Variants in ANO3 observed in about 807,000 individuals in gnomAD.
ANO3 encodes the protein anoctamin-3.
In ANO3, 99 loss-of-function variants were observed where a neutral mutation model predicts 144.8. The observed-to-expected ratio is 0.68, with a 90% CI of 0.58 to 0.81. ANO3 has a LOEUF of 0.81. ANO3 is among the 30% of genes least tolerant of loss of function. The pLI, the probability that ANO3 is intolerant of heterozygous loss-of-function variation, is 0.00. For synonymous variants in ANO3, 414 were observed against 392.6 expected, an observed-to-expected ratio of 1.05 and a Z score of -0.64; for missense variants, 905 against 1,202.2, an observed-to-expected ratio of 0.75 and a Z score of 3.66.
intron 1 of ANO3, among the ~76,000 whole-genome samples, chr11:26,207,273 G>T (rs1851816729): frequency 6.6e-6 from 1 of 152,070 alleles, no homozygotes; most frequent in African/African-American, 2.4e-5. Context: ...AGTATAAATG[G>T]CTTACAAAAA....
intron 1 of ANO3, among the ~76,000 whole-genome samples, chr11:26,303,707 A>G (rs1421620732): frequency 6.6e-6 from 1 of 152,074 alleles, no homozygotes; most frequent in Admixed American, 6.6e-5. Flanking sequence ...ATAAAAGTTG[A>G]AATTATTATT....
intron 21 of ANO3, 92 bp from the exon 22 acceptor site, chr11:26,641,804 A>C: frequency 7.8e-7 from 1 of 1,277,676 alleles, no homozygotes; most frequent in Non-Finnish European, 1.0e-6. Flanking sequence ...GAGGAGCTGG[A>C]ATTGGTTTTA....
intron 18 of ANO3, among the ~76,000 whole-genome samples, chr11:26,627,618 T>C (rs1198973700): frequency 6.6e-6 from 1 of 152,050 alleles, no homozygotes; most frequent in African/African-American, 2.4e-5. Context: ...CTTGGGAAAA[T>C]CATACTTAAT....
chr11:26,650,532 T>C (rs1307037093), intron 24 of ANO3, among the ~76,000 whole-genome samples: 1 of 152,178 alleles, frequency 6.6e-6, no homozygotes, highest in African/African-American at 2.4e-5. Context: ...CCAAAAATAT[T>C]GGTGAATAAA....
intron 8 of ANO3, among the ~76,000 whole-genome samples, chr11:26,533,958 C>T (rs1439488960): frequency 6.6e-6 from 1 of 152,168 alleles, no homozygotes; most frequent in Non-Finnish European, 1.5e-5. Flanking sequence ...CCTTCCATCC[C>T]TCTTGAGCTC....
intron 1 of ANO3, among the ~76,000 whole-genome samples, chr11:26,239,208 G>A (rs554649516): frequency 1.0e-3 from 152 of 151,788 alleles, no homozygotes; most frequent in Middle Eastern, 3.4e-3. Context: ...GCTTCTTTAG[G>A]CAGAAAAATA....
intron 1 of ANO3, among the ~76,000 whole-genome samples, chr11:26,382,107 T>C (rs962431661): frequency 6.6e-6 from 1 of 151,774 alleles, no homozygotes; most frequent in Non-Finnish European, 1.5e-5. Context: ...TATTAATAAA[T>C]AGATATATTT....
At chr11:26,296,136 G>T (rs1262237992) in intron 1 of ANO3, among the ~76,000 whole-genome samples, 1 of 152,160 alleles carries the variant, frequency 6.6e-6, no homozygotes, top group Non-Finnish European at 1.5e-5. Context: ...GGACAGTAAG[G>T]TTGCATTTTC....
chr11:26,618,488 C>T (rs1852323445), intron 17 of ANO3, among the ~76,000 whole-genome samples: 1 of 152,148 alleles, frequency 6.6e-6, no homozygotes, highest in African/African-American at 2.4e-5. Context: ...CTAAACTCTT[C>T]CTATATCCCT....
chr11:26,548,371 A>G (rs1849843462), intron 12 of ANO3, among the ~76,000 whole-genome samples: 1 of 151,966 alleles, frequency 6.6e-6, no homozygotes, highest in African/African-American at 2.4e-5. Flanking sequence ...TCACGAGTAT[A>G]TTATCAACTT....
intron 1 of ANO3, among the ~76,000 whole-genome samples, chr11:26,194,485 TG>T: frequency 6.7e-6 from 1 of 149,254 alleles, no homozygotes; most frequent in Non-Finnish European, 1.5e-5. Context: ...TGTGTGTGTG[TG>T]TATTATTTAT....
At chr11:26,611,538 C>T (rs1199909146) in intron 17 of ANO3, among the ~76,000 whole-genome samples, 1 of 152,062 alleles carries the variant, frequency 6.6e-6, no homozygotes, top group African/African-American at 2.4e-5. Flanking sequence ...TGTGATCTAT[C>T]CTGGAGAATG....
chr11:26,519,639 T>C (rs918621538), intron 6 of ANO3, among the ~76,000 whole-genome samples: 1 of 152,164 alleles, frequency 6.6e-6, no homozygotes, highest in Non-Finnish European at 1.5e-5. Context: ...GAGGGCTAGC[T>C]AGCTCTCTGC....
chr11:26,513,960 T>C (rs1381942767), intron 5 of ANO3, among the ~76,000 whole-genome samples: 2 of 151,894 alleles, frequency 1.3e-5, no homozygotes, highest in Non-Finnish European at 2.9e-5. Context: ...TCTCCTTGAA[T>C]AACCTCTGAA....
At chr11:26,332,054 T>C (rs886209950), upstream of ANO3, 20 of 1,375,506 alleles carry the variant, frequency 1.5e-5, no homozygotes, top group Non-Finnish European at 1.9e-5. Flanking sequence ...GTTCCCAGAG[T>C]AGCCGCTAAG....
At chr11:26,194,502 T>C (rs1418140517) in intron 1 of ANO3, among the ~76,000 whole-genome samples, 2 of 134,882 alleles carry the variant, frequency 1.5e-5, no homozygotes, top group East Asian at 2.1e-4. Context: ...TTTATTTATT[T>C]ATTTATTTAT....
At chr11:26,320,367 GAGAACATAGTTAGAGTTT>G (rs1287779408) in intron 1 of ANO3, among the ~76,000 whole-genome samples, 1 of 152,144 alleles carries the variant, frequency 6.6e-6, no homozygotes, top group African/African-American at 2.4e-5. Flanking sequence ...GGAGATTCTG[GAGAACATAGTTAGAGTTT>G]AGCAAAGTTG....
intron 5 of ANO3, among the ~76,000 whole-genome samples, chr11:26,509,820 A>G (rs1861587736): frequency 6.6e-6 from 1 of 152,144 alleles, no homozygotes; most frequent in African/African-American, 2.4e-5. Context: ...AGGAAGTACT[A>G]AACTGTAGTT....
intron 10 of ANO3, among the ~76,000 whole-genome samples, chr11:26,538,813 A>C (rs960785837): frequency 2.0e-4 from 31 of 152,214 alleles, no homozygotes; most frequent in South Asian, 1.0e-3. Context: ...GAAATACAAG[A>C]AAGTAAATTA....
Sources: gnomAD v4.1 joint callset for allele counts (sites outside exome capture counted in the v4.1 genomes callset) on GRCh38, gnomAD v4.1.1 for gene constraint, MANE v1.5 for transcripts, NCBI Gene and HGNC (gene_info 2026-07-23, HGNC 2026-07-21) for gene names.